Variants in ATP11A observed in about 807,000 individuals in gnomAD.
ATP11A encodes the protein phospholipid-transporting ATPase IH.
In ATP11A, 81 loss-of-function variants were observed where a neutral mutation model predicts 154.4. The ratio of observed to expected loss-of-function variants is 0.52; its 90% confidence interval spans 0.44 to 0.63. The LOEUF is 0.63. ATP11A is among the 30% of genes least tolerant of loss of function. The pLI, the probability that ATP11A is intolerant of heterozygous loss-of-function variation, is 0.00. For synonymous variants in ATP11A, 623 were observed against 585.9 expected (o/e 1.06, Z -0.91); for missense variants, 1,316 against 1,474.3 (o/e 0.89, Z 1.76).
chr13:112,875,871 G>T lies in ATP11A; in HGVS notation c.3257G>T (p.Ser1086Ile). Residue 1086 changes from serine to isoleucine, a missense_variant, in exon 28 of 30, where the codon AGC (serine) becomes ATC (isoleucine). Physicochemically the swap from Ser to Ile is moderately radical, Grantham distance 142. Around this residue, in one of 5 missense-constraint regions of ATP11A, gnomAD observed 294 missense variants for 290.2 expected, o/e 1.01. Coordinates refer to ENST00000375645, the MANE Select transcript of ATP11A (RefSeq NM_015205.3). This position sits in a 1 kb window ranked among gnomAD's most constrained non-coding sequence, Gnocchi z 4.1. ...GCCATCGTGCTGCTGGTGACCATCA[G>T]CCTCCTTCCCGACGTCCTCAAGAAA... ...WLAIVLLVTI[S>I]LLPDVLKKVL... The T allele has an allele frequency of 1.2e-6, 2 of 1,613,882 alleles. No individual in the cohort carries two copies. The highest frequency in any genetic ancestry group is 1.7e-6 in the Non-Finnish European group (2 of 1,180,038).
chr13:112,720,336 G>A (rs184817901), intron 1 of ATP11A, among the ~76,000 whole-genome samples: 1 of 152,248 alleles, frequency 6.6e-6, no homozygotes, highest in Non-Finnish European at 1.5e-5. Context: ...TTCAGTGTGC[G>A]ATTGGTTAAA....
chr13:112,834,764 C>A (rs2079187194), intron 15 of ATP11A, 104 bp downstream of exon 15: 3 of 903,810 alleles, frequency 3.3e-6, no homozygotes. Flanking sequence ...TATGTTCTCC[C>A]ACAATTCGCT....
intron 7 of ATP11A, among the ~76,000 whole-genome samples, chr13:112,819,679 G>A (rs888155299): frequency 2.4e-4 from 36 of 152,220 alleles, no homozygotes; most frequent in African/African-American, 8.4e-4. Flanking sequence ...TTATTTTACG[G>A]AAGACGTTTG....
At chr13:112,813,501 A>G (rs145244292) in intron 5 of ATP11A, among the ~76,000 whole-genome samples, 482 of 152,342 alleles carry the variant, frequency 3.2e-3, no homozygotes, top group Admixed American at 5.5e-3. Flanking sequence ...CAGTTTCACC[A>G]TTCACAAGTT....
intron 24 of ATP11A, among the ~76,000 whole-genome samples, chr13:112,861,287 AC>A (rs1365395493): frequency 1.3e-5 from 2 of 152,102 alleles, no homozygotes; most frequent in Non-Finnish European, 2.9e-5. Flanking sequence ...ACACAGCCAA[AC>A]CCTATCATAA....
At chr13:112,863,232 TC>T (rs2080179560) in intron 25 of ATP11A, among the ~76,000 whole-genome samples, 1 of 141,274 alleles carries the variant, frequency 7.1e-6, no homozygotes, top group South Asian at 2.3e-4. Flanking sequence ...CCCAGCGGGG[TC>T]CATCACCACC....
At chr13:112,789,771 CG>C (rs1356725440) in intron 2 of ATP11A, among the ~76,000 whole-genome samples, 4 of 150,932 alleles carry the variant, frequency 2.7e-5, no homozygotes, top group Non-Finnish European at 4.4e-5. Context: ...TAATTCACAC[CG>C]GGTGTCCTGA....
At chr13:112,752,615 G>A (rs1166481058) in intron 1 of ATP11A, among the ~76,000 whole-genome samples, 1 of 152,200 alleles carries the variant, frequency 6.6e-6, no homozygotes, top group Non-Finnish European at 1.5e-5. Flanking sequence ...GAAAATTAAT[G>A]AGGAATTTTA....
chr13:112,750,635 C>G (rs2076669036), intron 1 of ATP11A, among the ~76,000 whole-genome samples: 6 of 151,856 alleles, frequency 4.0e-5, no homozygotes, highest in Admixed American at 3.9e-4. Context: ...CTGAAGGACG[C>G]GGGGTTGAAT....
chr13:112,701,910 T>C (rs1023458106), intron 1 of ATP11A, among the ~76,000 whole-genome samples: 2 of 152,140 alleles, frequency 1.3e-5, no homozygotes, highest in Non-Finnish European at 2.9e-5. Context: ...CCCCCGGCAC[T>C]GTGCTTGTGT....
At chr13:112,755,001 G>A (rs977136330) in intron 1 of ATP11A, among the ~76,000 whole-genome samples, 1 of 152,230 alleles carries the variant, frequency 6.6e-6, no homozygotes, top group African/African-American at 2.4e-5. Flanking sequence ...TGGGCATCGT[G>A]GCCTCTGCAG....
At chr13:112,739,806 G>A (rs1243500138) in intron 1 of ATP11A, among the ~76,000 whole-genome samples, 1 of 152,150 alleles carries the variant, frequency 6.6e-6, no homozygotes, top group Non-Finnish European at 1.5e-5. Flanking sequence ...AAAAAGGAAC[G>A]AAGTACTGAT....
At chr13:112,849,842 G>A (rs1044930957) in intron 17 of ATP11A, among the ~76,000 whole-genome samples, 2 of 152,232 alleles carry the variant, frequency 1.3e-5, no homozygotes, top group Admixed American at 1.3e-4. Context: ...GGTGAGGCTG[G>A]GGTGGCTGAG....
intron 10 of ATP11A, 141 bp downstream of exon 10, chr13:112,824,566 G>A (rs1334839770): frequency 2.8e-6 from 2 of 727,168 alleles, no homozygotes; most frequent in Non-Finnish European, 4.7e-6. Context: ...TGACCATTCA[G>A]ATGGTCTTTC....
chr13:112,784,994 TC>T (rs1467450141), intron 1 of ATP11A, 140 bp from the exon 2 acceptor site: 1 of 1,107,188 alleles, frequency 9.0e-7, no homozygotes, highest in Non-Finnish European at 1.2e-6. Flanking sequence ...GGGCCCCAGG[TC>T]TCCCTGCAGC....
intron 17 of ATP11A, among the ~76,000 whole-genome samples, chr13:112,843,477 T>C (rs1023415486): frequency 1.3e-5 from 2 of 152,112 alleles, no homozygotes; most frequent in Non-Finnish European, 2.9e-5. Flanking sequence ...TATCATCTTT[T>C]CATGAAAAAG....
At chr13:112,780,241 G>A (rs866368512) in intron 1 of ATP11A, among the ~76,000 whole-genome samples, 3 of 151,950 alleles carry the variant, frequency 2.0e-5, no homozygotes, top group African/African-American at 4.8e-5. Context: ...ATTCAAAGTC[G>A]TGCACCCACC....
chr13:112,858,644 C>T, intron 22 of ATP11A: 1 of 204,908 alleles, frequency 4.9e-6, no homozygotes, highest in Non-Finnish European at 1.0e-5. Context: ...GTCCGGTGTG[C>T]CGATGCTGTG....
chr13:112,831,982 G>A (rs757630522), intron 13 of ATP11A, among the ~76,000 whole-genome samples: 1 of 145,890 alleles, frequency 6.9e-6, no homozygotes, highest in Non-Finnish European at 1.5e-5. Flanking sequence ...CCCAGACACC[G>A]TGTGCACACA....
Sources: gnomAD v4.1 joint callset for allele counts (sites outside exome capture counted in the v4.1 genomes callset) on GRCh38, gnomAD v4.1.1 for gene constraint, gnomAD v4.1.1 regional missense constraint, Gnocchi (gnomAD v3.1) non-coding constraint, MANE v1.5 for transcripts, NCBI Gene and HGNC (gene_info 2026-07-23, HGNC 2026-07-21) for gene names.